Variants in IL13RA1 observed in about 807,000 individuals in gnomAD.
The protein encoded by IL13RA1 is interleukin-13 receptor subunit alpha-1.
In IL13RA1, 14 loss-of-function variants were observed where a neutral mutation model predicts 33.8. The ratio of observed to expected loss-of-function variants is 0.41; its 90% CI spans 0.27 to 0.65. The LOEUF (loss-of-function observed/expected upper bound fraction) is 0.65, where lower values mean the gene tolerates loss of function less well. Among genes scored for constraint, IL13RA1 ranks in the 30% least tolerant of loss-of-function variants. The pLI is 0.28. For synonymous variants in IL13RA1, 116 were observed against 115.7 expected (o/e 1.00, Z -0.02); for missense variants, 313 against 327.0 (o/e 0.96, Z 0.33).
chrX:118,770,675 G>A (rs1401763950), intron 8 of IL13RA1: 3 of 386,766 alleles, frequency 7.8e-6, no homozygotes, highest in Admixed American at 2.9e-5. Context: ...TACCTGGTGC[G>A]TGCATTTGGC....
intron 6 of IL13RA1, among the ~76,000 whole-genome samples, chrX:118,764,895 T>C (rs750651713): frequency 6.0e-4 from 67 of 111,653 alleles, no homozygotes; most frequent in Admixed American, 4.1e-3. Context: ...TACTGAGTTA[T>C]AATACATGAA....
Position 118,791,889 on chromosome X carries a change from T to C in IL13RA1, c.*35T>C, listed in dbSNP as rs1259460112. On this transcript the variant is annotated 3_prime_UTR_variant, in exon 11 of 11. Transcript: ENST00000371666. ...TTTATTTTTACCTTCACTGTGACCT[T>C]GAGAAGATTCTTCCCATTCTCCATT... 3.3e-6 allele frequency: 2 copies of C among 609,540 alleles called. No homozygotes were observed. The highest frequency in any genetic ancestry group is 5.5e-6 in the Non-Finnish European group (2 of 365,687). The allele number at this position is 609,540 out of a possible 1,213,427, so 50.2% of individuals were successfully genotyped here.
chrX:118,776,407 A>T lies in IL13RA1; in HGVS notation c.1107-20A>T. 1.4e-6 allele frequency: 1 copy of T among 712,001 alleles called. No homozygotes were observed. Among genetic ancestry groups the T allele is most frequent in the South Asian group, 2.2e-5 (1 of 44,448 alleles). The allele number at this position is 712,001 out of a possible 1,213,427, so 58.7% of individuals were successfully genotyped here. ...CTATGGACTGGAAGGTTTGAATCAA[A>T]TGTCTCTGTTTTCTTAAAGGCTCAA... On this transcript the variant is annotated intron_variant, in intron 9 of 10. Transcript: ENST00000371666.
chrX:118,754,713 C>T (rs2017507972), intron 4 of IL13RA1, among the ~76,000 whole-genome samples: 1 of 109,913 alleles, frequency 9.1e-6, no homozygotes, highest in South Asian at 3.9e-4. Flanking sequence ...GTACACAGCG[C>T]TGGCCTCTTC....
chrX:118,771,701 G>T (rs1400470883), intron 8 of IL13RA1, among the ~76,000 whole-genome samples: 1 of 112,537 alleles, frequency 8.9e-6, no homozygotes, highest in Non-Finnish European at 1.9e-5. Context: ...TGGGCTGGGC[G>T]CCATGGCTCA....
At chrX:118,739,929 A>G (rs1237652079) in intron 1 of IL13RA1, among the ~76,000 whole-genome samples, 1 of 111,984 alleles carries the variant, frequency 8.9e-6, no homozygotes, top group Non-Finnish European at 1.9e-5. Context: ...ATTTTGAACA[A>G]TCTGATTTTT....
chrX:118,793,154 A>G lies in IL13RA1; in HGVS notation c.*1300A>G, dbSNP rs2017995792. 9.0e-6 allele frequency: 1 copy of G among 111,708 alleles called. No homozygotes were observed. Among genetic ancestry groups the G allele is most frequent in the Admixed American group, 9.5e-5 (1 of 10,483 alleles). The allele number at this position is 111,708 out of a possible 1,213,427, so 9.2% of individuals were successfully genotyped here. A position where few individuals can be genotyped will look rare whatever the true frequency, so the allele number is the denominator to read the frequency against. ...ACTTTCATTGGAAATTAGGATGTAA[A>G]TCTGCTCAGGAGACCTGGAGGAGCA... On this transcript the variant is annotated 3_prime_UTR_variant, in exon 11 of 11. Coordinates refer to ENST00000371666, the MANE Select transcript of IL13RA1 (RefSeq NM_001560.3).
intron 1 of IL13RA1, 111 bp downstream of exon 1, chrX:118,727,837 G>A (rs952984522): frequency 3.0e-5 from 9 of 300,488 alleles, no homozygotes; most frequent in African/African-American, 2.5e-4. Flanking sequence ...AGCTGGGGTG[G>A]GTGCTGGGGG....
intron 8 of IL13RA1, among the ~76,000 whole-genome samples, chrX:118,772,979 C>G (rs2017740958): frequency 8.9e-6 from 1 of 111,915 alleles, no homozygotes; most frequent in Non-Finnish European, 1.9e-5. Flanking sequence ...CTTTCCAACT[C>G]CTGAACACTA....
At chrX:118,770,470 T>C (rs2248841) in intron 8 of IL13RA1, 112,034 of 442,013 alleles carry the variant, frequency 0.25, 11,906 homozygotes, top group African/African-American at 0.49. Flanking sequence ...CAACTGGCGC[T>C]GGCTGGTCTA....
rs2017412432 is a variant in IL13RA1, at chrX:118,746,976, G to A, written c.251G>A (p.Arg84His). The change falls in exon 3 of 11, where the codon CGT becomes CAT. Residue 84 changes from arginine (R) to histidine (H), a missense_variant. Physicochemically the swap from Arg to His is conservative, Grantham distance 29. Transcript: ENST00000371666. Reference protein sequence around the residue: ...QDKKIAPETRRSIEVPLNERI... With the variant: ...QDKKIAPETRHSIEVPLNERI... The stretch of plus-strand genomic sequence containing the variant: ...TAGAAAATAGCTCCGGAAACTCGTC[G>A]TTCAATAGAAGTACCCCTGAATGAG... 8.4e-7 allele frequency: 1 copy of A among 1,189,581 alleles called. No homozygotes were observed.
intron 6 of IL13RA1, among the ~76,000 whole-genome samples, chrX:118,763,923 T>G (rs2017617885): frequency 8.9e-6 from 1 of 112,165 alleles, no homozygotes. Context: ...TAACTCTGTT[T>G]GTACACTTGA....
chrX:118,731,577 C>CA (rs371387309), intron 1 of IL13RA1, among the ~76,000 whole-genome samples: 3,104 of 53,451 alleles, frequency 0.058, 69 homozygotes, highest in Non-Finnish European at 0.079. Context: ...ACTCCGTCTC[C>CA]AAAAAAAAAA....
intron 6 of IL13RA1, among the ~76,000 whole-genome samples, chrX:118,762,648 C>G (rs1477595195): frequency 3.6e-5 from 4 of 111,501 alleles, no homozygotes; most frequent in African/African-American, 1.3e-4. Context: ...ATAATCATTA[C>G]TAGTACCAGA....
chrX:118,798,985 G>C (rs963742993), downstream of IL13RA1, among the ~76,000 whole-genome samples: 2 of 111,467 alleles, frequency 1.8e-5, no homozygotes, highest in Non-Finnish European at 3.8e-5. Flanking sequence ...CCGGGGCTGC[G>C]TGAGGCGCTT....
intron 5 of IL13RA1, 49 bp downstream of exon 5, chrX:118,758,291 A>C (rs749252729): frequency 5.7e-6 from 3 of 529,182 alleles, no homozygotes; most frequent in Non-Finnish European, 9.3e-6. Flanking sequence ...AGTGTGTTAT[A>C]TCTTTTGCAC....
At chrX:118,746,474 T>C (rs1422075918) in intron 2 of IL13RA1, among the ~76,000 whole-genome samples, 2 of 112,289 alleles carry the variant, frequency 1.8e-5, no homozygotes, top group Non-Finnish European at 3.7e-5. Flanking sequence ...ACAGTGCATC[T>C]ACTTCTAAGT....
At chrX:118,784,900 C>G (rs2017899188) in intron 10 of IL13RA1, among the ~76,000 whole-genome samples, 1 of 111,473 alleles carries the variant, frequency 9.0e-6, no homozygotes, top group Non-Finnish European at 1.9e-5. Context: ...AACACTTGGT[C>G]TTTTTGGCTG....
At position 118,731,792 on chromosome X, in the gene IL13RA1, T is replaced by C. The variant is rs1056289088; in HGVS notation, c.88+4066T>C. 6.3e-5 allele frequency among the ~76,000 whole-genome samples: 7 copies of C among 111,969 alleles called. No individual in the cohort carries two copies. The East Asian group carries it at 1.7e-3, about 27-fold the overall frequency. On this transcript the variant is annotated intron_variant, in intron 1 of 10. Transcript: ENST00000371666. Reference sequence around the variant, plus strand: ...CTGAGAAATAGAGAGGTTAAGTAATTTGCCTGCTGGCAAGTAGTAGAGGTG... The same window carrying C: ...CTGAGAAATAGAGAGGTTAAGTAATCTGCCTGCTGGCAAGTAGTAGAGGTG...
Sources: allele counts gnomAD v4.1 joint callset (sites outside exome capture counted in the v4.1 genomes callset), GRCh38; gene constraint gnomAD v4.1.1; transcripts MANE v1.5; gene names NCBI Gene and HGNC (gene_info 2026-07-23, HGNC 2026-07-21).